Variants in RFX1 observed in about 807,000 individuals in gnomAD.
The protein encoded by RFX1 is MHC class II regulatory factor RFX1.
Under a neutral mutation model 119.6 loss-of-function variants are expected in RFX1, and 42 were observed. The ratio of observed to expected loss-of-function variants is 0.35; its 90% confidence interval spans 0.27 to 0.45. The LOEUF is 0.45. Ranked by LOEUF, RFX1 falls within the 20% of genes least tolerant of loss-of-function variation. The pLI is 1.00. For missense variants in RFX1, 1,118 were observed against 1,368.1 expected (o/e 0.82, Z 2.88); for synonymous variants, 628 against 618.5 (o/e 1.02, Z -0.23).
chr19:13,968,812 T>C lies in RFX1; in HGVS notation c.1579A>G (p.Met527Val). Residue 527 changes from methionine (M) to valine (V), a missense_variant, in exon 11 of 21, where the codon ATG becomes GTG. By Grantham distance (21) the Met-to-Val change is conservative (BLOSUM62 1). This residue lies in a region of RFX1 where 338 missense variants were observed against 508.9 expected (regional missense o/e 0.66). Coordinates refer to ENST00000254325, the MANE Select transcript of RFX1 (RefSeq NM_002918.5). The surrounding 1 kb of genome is among the most constrained non-coding windows in gnomAD (Gnocchi z 5.5). ...LLRLMEDQQH[M>V]AMRGQPFSQK... ...GAGAAGGGCTGGCCCCGCATGGCCA[T>C]GTGCTGCTGGTCCTCCATCAGCCGC... 2 of 1,569,270 alleles carry C rather than the reference T, an allele frequency of 1.3e-6. No individual in the cohort carries two copies. Among genetic ancestry groups the C allele is most frequent in the East Asian group, 2.4e-5 (1 of 42,334 alleles).
In RFX1 at chr19:13,980,299, A is replaced by C. The variant is rs1241651397; in HGVS notation, c.738+274T>G. Among the ~76,000 whole-genome samples, 1 of 152,180 alleles carries C rather than the reference A, an allele frequency of 6.6e-6. No homozygotes were observed. Among genetic ancestry groups the C allele is most frequent in the African/African-American group, 2.4e-5 (1 of 41,446 alleles). ...CAGGCAAATGGGCCCAAAGAGGCTC[A>C]GGTGGCTTCTCCAAGCGGTTCCCAT... On this transcript the variant is annotated intron_variant, in intron 6 of 20. Transcript: ENST00000254325. The surrounding 1 kb of genome is among the most constrained non-coding windows in gnomAD (Gnocchi z 5.1).
In RFX1 at chr19:13,980,718, G is replaced by A. The variant is rs377640725; in HGVS notation, c.622-29C>T. ...TAAGGGAAGGAGACACAGGAGTGCC[G>A]CTGGGGTGGGCTTGCATCCTCTCTG... is the stretch of plus-strand genomic sequence containing the variant. On this transcript the variant is annotated intron_variant, in intron 5 of 20. Transcript: ENST00000254325. The surrounding 1 kb of genome is among the most constrained non-coding windows in gnomAD (Gnocchi z 5.1). The A allele has an allele frequency of 2.9e-4, 186 of 646,392 alleles. No homozygotes were observed. The highest frequency in any genetic ancestry group is 1.8e-4 in the South Asian group (9 of 48,668). The allele number at this position is 646,392 out of a possible 1,614,324, so 40.0% of individuals were successfully genotyped here. A position where few individuals can be genotyped will look rare whatever the true frequency, so the allele number is the denominator to read the frequency against.
At chr19:13,993,461 C>T (rs1974872375) in intron 2 of RFX1, 64 bp downstream of exon 2, 5 of 1,496,938 alleles carry the variant, frequency 3.3e-6, no homozygotes, top group Non-Finnish European at 3.6e-6. Context: ...CCTTCACACC[C>T]AGGGTCTAGG....
At chr19:13,993,276 C>T (rs760432676) in intron 2 of RFX1, among the ~76,000 whole-genome samples, 1 of 152,078 alleles carries the variant, frequency 6.6e-6, no homozygotes, top group Non-Finnish European at 1.5e-5. Context: ...GCCTGGGCAA[C>T]AGAATGAGAC....
chr19:13,981,089 C>T (rs763102035), intron 5 of RFX1, among the ~76,000 whole-genome samples: 2 of 152,190 alleles, frequency 1.3e-5, no homozygotes, highest in Non-Finnish European at 2.9e-5. Context: ...TCTCATGGCA[C>T]CCCCACTTCC....
chr19:13,979,718 G>A (rs1279157721), intron 6 of RFX1, among the ~76,000 whole-genome samples, 176 bp from the exon 7 acceptor site: 1 of 152,170 alleles, frequency 6.6e-6, no homozygotes, highest in African/African-American at 2.4e-5. Context: ...GAGGCTCCCA[G>A]GAAGCAGCAG....
At chr19:13,984,233 A>T (rs894794051) in intron 2 of RFX1, among the ~76,000 whole-genome samples, 2 of 37,200 alleles carry the variant, frequency 5.4e-5, no homozygotes, top group African/African-American at 2.0e-4. Context: ...CCCGCCCCCC[A>T]CCCCGTCCGC....
rs765821989 is a variant in RFX1, at chr19:13,969,265, C to T, written c.1497-371G>A. On this transcript the variant is annotated intron_variant, in intron 10 of 20. Transcript: ENST00000254325. The surrounding 1 kb of genome is among the most constrained non-coding windows in gnomAD (Gnocchi z 4.5). ...CTTCCCGCATGAATTTACTGACTCA[C>T]AGACCCTGATGAAGCACTGACTAGG... Among the ~76,000 whole-genome samples the T allele has an allele frequency of 3.9e-5, 6 of 152,134 alleles. No homozygotes were observed. The highest frequency in any genetic ancestry group is 7.3e-5 in the Non-Finnish European group (5 of 68,036).
rs1599466914 is a variant in RFX1 at position 13,962,057 on chromosome 19, C to A, written c.*638G>T. On this transcript the variant is annotated 3_prime_UTR_variant, in exon 21 of 21. Transcript: ENST00000254325. ...TGCTCTTTGGAAGCTGGAGGCCGTG[C>A]CCCCTGCCGCCCTCCTCACAGCCGG... 6.6e-6 allele frequency: 1 copy of A among 152,290 alleles called. No homozygotes were observed. The highest frequency in any genetic ancestry group is 1.5e-5 in the Non-Finnish European group (1 of 68,090). 9.4% of individuals were successfully genotyped at this position (152,290 alleles called of 1,614,324 possible).
rs750235051 is a variant in RFX1, at chr19:13,985,809, C to A, written c.320-2214G>T. ...AGGAGGGAGAGGGGCCTGGACAGGG[C>A]AGGAGGGCTATTCAGGGCAGATGCA... On this transcript the variant is annotated intron_variant, in intron 2 of 20. Transcript: ENST00000254325. The surrounding 1 kb of genome is among the most constrained non-coding windows in gnomAD (Gnocchi z 4.3). 2.0e-5 allele frequency among the ~76,000 whole-genome samples: 3 copies of A among 151,968 alleles called. No individual in the cohort carries two copies. Among genetic ancestry groups the A allele is most frequent in the Non-Finnish European group, 4.4e-5 (3 of 67,994 alleles).
At chr19:13,988,313 T>G (rs1418463792) in intron 2 of RFX1, among the ~76,000 whole-genome samples, 1 of 152,110 alleles carries the variant, frequency 6.6e-6, no homozygotes, top group Admixed American at 6.6e-5. Flanking sequence ...GTCTTGACTT[T>G]GAAGCACCAG....
Position 13,963,533 on chromosome 19 carries a change from C to A in RFX1, c.2570+5G>T. 6.2e-7 allele frequency: 1 copy of A among 1,602,422 alleles called. No homozygotes were observed. ...CGCCCGGACCCGATCCCGCCGCGCG[C>A]GCACCTGTAGAAGGACCACTTGAGG... On this transcript the variant is annotated splice_donor_5th_base_variant and intron_variant, in intron 18 of 20. Coordinates refer to ENST00000254325, the MANE Select transcript of RFX1 (RefSeq NM_002918.5).
intron 1 of RFX1, among the ~76,000 whole-genome samples, chr19:14,003,206 C>G (rs58545246): frequency 0.049 from 7,526 of 152,220 alleles, 651 homozygotes; most frequent in African/African-American, 0.17. Context: ...GGCTGGTCTC[C>G]AACTCTTTAC....
chr19:13,994,845 A>G (rs1974939387), intron 1 of RFX1, among the ~76,000 whole-genome samples: 1 of 143,260 alleles, frequency 7.0e-6, no homozygotes, highest in South Asian at 2.2e-4. Flanking sequence ...CTGTATACAT[A>G]TATGTACACA....
At position 13,963,266 on chromosome 19, in the gene RFX1, C is replaced by T; in HGVS notation, c.2580G>A (p.Val860=). 1 of 1,609,942 alleles carries T rather than the reference C, an allele frequency of 6.2e-7. No individual in the cohort carries two copies. Among genetic ancestry groups the T allele is most frequent in the Non-Finnish European group, 8.5e-7 (1 of 1,179,144 alleles). The change falls in exon 19 of 21, where the codon GTG becomes GTA. Residue 860 remains valine, a synonymous_variant. Transcript: ENST00000254325. Reference sequence around the variant, plus strand: ...CGCTGCGCAGGGTCAGGTCCCGGATCACCATGGAGCTGGGGATGGAGACGG... The same window carrying T: ...CGCTGCGCAGGGTCAGGTCCCGGATTACCATGGAGCTGGGGATGGAGACGG... ...LLKWSFYSSM[V]IRDLTLRSAA... is the part of the protein sequence containing the mutation.
intron 2 of RFX1, 38 bp downstream of exon 2, chr19:13,993,487 T>C (rs1396743055): frequency 1.3e-6 from 2 of 1,581,608 alleles, no homozygotes; most frequent in East Asian, 2.2e-5. Context: ...TGAACAACTC[T>C]GAGAGGAGTT....
chr19:13,963,327 CT>C (rs757206875), intron 18 of RFX1, 52 bp from the exon 19 acceptor site: 11 of 1,557,752 alleles, frequency 7.1e-6, no homozygotes, highest in Non-Finnish European at 6.0e-6. Context: ...GCCCGACCCC[CT>C]CTCCCCCTCC....
Position 13,968,863 on chromosome 19 carries a change from G to A in RFX1, c.1528C>T (p.Arg510Cys), listed in dbSNP as rs868625390. 5.2e-6 allele frequency: 8 copies of A among 1,551,180 alleles called. No homozygotes were observed. Among genetic ancestry groups the A allele is most frequent in the African/African-American group, 4.1e-5 (3 of 73,094 alleles). ...AGCAGGGGTGAGCTGGCCTTGATGC[G>A]CAGGCCATAGTAGTGGTACTTGGAG... is the stretch of plus-strand genomic sequence containing the variant. ...GNSKYHYYGL[R>C]IKASSPLLRL... Residue 510 changes from arginine (R) to cysteine (C), a missense_variant, in exon 11 of 21, where the codon CGC becomes TGC. Arg to Cys is a radical substitution (Grantham distance 180). This residue lies in a region of RFX1 where 338 missense variants were observed against 508.9 expected (regional missense o/e 0.66). Coordinates refer to ENST00000254325, the MANE Select transcript of RFX1 (RefSeq NM_002918.5). The surrounding 1 kb of genome is among the most constrained non-coding windows in gnomAD (Gnocchi z 5.5).
chr19:14,005,944 C>A (rs1975361129), intron 1 of RFX1, among the ~76,000 whole-genome samples, 159 bp downstream of exon 1: 1 of 151,068 alleles, frequency 6.6e-6, no homozygotes, highest in Non-Finnish European at 1.5e-5. Flanking sequence ...GGTGTCGTTC[C>A]AGCCGGGCCC....
Sources: gnomAD v4.1 joint callset for allele counts (sites outside exome capture counted in the v4.1 genomes callset) on GRCh38, gnomAD v4.1.1 for gene constraint, gnomAD v4.1.1 regional missense constraint, Gnocchi (gnomAD v3.1) non-coding constraint, MANE v1.5 for transcripts, NCBI Gene and HGNC (gene_info 2026-07-23, HGNC 2026-07-21) for gene names.